Variants in KCNN2 observed in about 807,000 individuals in gnomAD.
KCNN2 encodes small conductance calcium-activated potassium channel protein 2.
In KCNN2, 24 loss-of-function variants were observed where a neutral mutation model predicts 55.5. The observed-to-expected ratio is 0.43, with a 90% CI of 0.31 to 0.61. The LOEUF (loss-of-function observed/expected upper bound fraction) is 0.61, where lower values mean the gene tolerates loss of function less well. Among genes scored for constraint, KCNN2 ranks in the 20% least tolerant of loss-of-function variants. The pLI is 0.08. For missense variants in KCNN2, 754 were observed against 853.6 expected (o/e 0.88, Z 1.45); for synonymous variants, 431 against 336.1 (o/e 1.28, Z -3.09).
intron 7 of KCNN2, 40 bp downstream of exon 7, chr5:114,493,512 G>A (rs1747964448): frequency 3.0e-6 from 4 of 1,315,500 alleles, no homozygotes; most frequent in Non-Finnish European, 4.4e-6. Context: ...TGCATCTGTT[G>A]AAATCAACCA....
At chr5:114,228,119 A>G (rs1397588130) in intron 2 of KCNN2, among the ~76,000 whole-genome samples, 1 of 152,130 alleles carries the variant, frequency 6.6e-6, no homozygotes, top group South Asian at 2.1e-4. Flanking sequence ...ATGAAAAACA[A>G]TGACATAGAT....
chr5:114,274,027 G>A (rs2150009611), intron 2 of KCNN2, among the ~76,000 whole-genome samples: 1 of 152,252 alleles, frequency 6.6e-6, no homozygotes, highest in Non-Finnish European at 1.5e-5. Flanking sequence ...TAAGGTGTAA[G>A]GAAGGGGTCC....
chr5:114,069,085 G>A (rs192329261), intron 1 of KCNN2, among the ~76,000 whole-genome samples: 99 of 152,296 alleles, frequency 6.5e-4, no homozygotes, highest in Non-Finnish European at 1.2e-3. Context: ...AATGTGCTGG[G>A]ATTACAGGCG....
At chr5:114,312,925 CTAGT>C (rs1325808462) in intron 2 of KCNN2, among the ~76,000 whole-genome samples, 7 of 152,192 alleles carry the variant, frequency 4.6e-5, no homozygotes, top group African/African-American at 1.7e-4. Flanking sequence ...TGCACAGTGC[CTAGT>C]TAATTACATT....
intron 1 of KCNN2, among the ~76,000 whole-genome samples, chr5:114,070,411 T>A (rs1750544355): frequency 2.0e-5 from 3 of 152,276 alleles, no homozygotes; most frequent in South Asian, 2.1e-4. Flanking sequence ...CCTGAGCTAT[T>A]CTTTATCTTT....
chr5:114,148,118 A>G (rs1752442307), intron 1 of KCNN2, among the ~76,000 whole-genome samples: 1 of 152,206 alleles, frequency 6.6e-6, no homozygotes, highest in Non-Finnish European at 1.5e-5. Context: ...ATCTAGCTGT[A>G]GGAGCTGAAT....
chr5:114,279,188 A>T (rs988009204), intron 2 of KCNN2, among the ~76,000 whole-genome samples: 2 of 151,996 alleles, frequency 1.3e-5, no homozygotes, highest in African/African-American at 2.4e-5. Context: ...CTTTCTCTTT[A>T]TAATTCACAT....
intron 2 of KCNN2, among the ~76,000 whole-genome samples, chr5:114,270,509 T>C (rs1355561034): frequency 6.6e-6 from 1 of 152,212 alleles, no homozygotes; most frequent in Non-Finnish European, 1.5e-5. Context: ...CTTTTGGGAT[T>C]CTCTGTGCAT....
intron 2 of KCNN2, among the ~76,000 whole-genome samples, chr5:114,311,217 A>C (rs550827697): frequency 6.6e-6 from 1 of 152,290 alleles, no homozygotes; most frequent in Non-Finnish European, 1.5e-5. Context: ...ACTGGCTCAA[A>C]GTGACTTAGT....
At chr5:114,257,120 T>C (rs1754998030) in intron 2 of KCNN2, among the ~76,000 whole-genome samples, 1 of 152,150 alleles carries the variant, frequency 6.6e-6, no homozygotes, top group Non-Finnish European at 1.5e-5. Flanking sequence ...TAGGGTGTCC[T>C]TTCCCTAGTG....
chr5:114,292,017 C>T (rs150812674), intron 2 of KCNN2, among the ~76,000 whole-genome samples: 15,163 of 151,200 alleles, frequency 0.1, 953 homozygotes, highest in Middle Eastern at 0.21. Flanking sequence ...TCATATCCTT[C>T]ACCCACTTTT....
chr5:114,194,723 G>T (rs890769026), intron 1 of KCNN2, among the ~76,000 whole-genome samples: 2 of 151,762 alleles, frequency 1.3e-5, no homozygotes, highest in Non-Finnish European at 2.9e-5. Context: ...CTTGTCACTT[G>T]TGCTTTTAGT....
chr5:114,468,819 A>G (rs1198838904), intron 4 of KCNN2, among the ~76,000 whole-genome samples: 1 of 152,208 alleles, frequency 6.6e-6, no homozygotes, highest in Admixed American at 6.5e-5. Flanking sequence ...TCTCTTTTTC[A>G]TAGGCTTGTA....
At chr5:114,203,350 C>T (rs1034808629) in intron 1 of KCNN2, among the ~76,000 whole-genome samples, 2 of 152,138 alleles carry the variant, frequency 1.3e-5, no homozygotes, top group African/African-American at 2.4e-5. Flanking sequence ...ATTCTAATGT[C>T]CTGATGTTCC....
At chr5:114,065,103 C>T (rs1296966901) in intron 1 of KCNN2, among the ~76,000 whole-genome samples, 2 of 152,158 alleles carry the variant, frequency 1.3e-5, no homozygotes, top group African/African-American at 4.8e-5. Flanking sequence ...TGAGTGGTGT[C>T]ACTTGTAGCG....
At chr5:114,114,091 T>C (rs1363116121) in intron 1 of KCNN2, among the ~76,000 whole-genome samples, 11 of 152,278 alleles carry the variant, frequency 7.2e-5, no homozygotes, top group Non-Finnish European at 1.6e-4. Context: ...TTACAATGTA[T>C]GTTTTTATTC....
chr5:114,246,402 G>A (rs1194805951), intron 2 of KCNN2, among the ~76,000 whole-genome samples: 1 of 152,092 alleles, frequency 6.6e-6, no homozygotes, highest in Non-Finnish European at 1.5e-5. Flanking sequence ...GATAAACAAT[G>A]CGTAGGTCAT....
chr5:114,340,396 G>C (rs1311702850), intron 2 of KCNN2, among the ~76,000 whole-genome samples: 1 of 152,014 alleles, frequency 6.6e-6, no homozygotes, highest in Non-Finnish European at 1.5e-5. Flanking sequence ...ATTGTTTAAA[G>C]TATATGTGTA....
chr5:114,494,903 A>G (rs1748038942), intron 7 of KCNN2, among the ~76,000 whole-genome samples: 1 of 152,190 alleles, frequency 6.6e-6, no homozygotes, highest in South Asian at 2.1e-4. Flanking sequence ...GTTAAGCAGA[A>G]GAAGAGCATA....
Sources: gnomAD v4.1 joint callset for allele counts (sites outside exome capture counted in the v4.1 genomes callset) on GRCh38, gnomAD v4.1.1 for gene constraint, MANE v1.5 for transcripts, NCBI Gene and HGNC (gene_info 2026-07-23, HGNC 2026-07-21) for gene names.